The following TSHZ2 variants were observed in gnomAD, a reference collection of about 807,000 sequenced individuals.
The protein encoded by TSHZ2 is teashirt homolog 2.
In TSHZ2, 21 loss-of-function variants were observed where a neutral mutation model predicts 74.4. The observed-to-expected ratio is 0.28, with a 90% CI of 0.20 to 0.41. The LOEUF (loss-of-function observed/expected upper bound fraction) is 0.41, where lower values mean the gene tolerates loss of function less well. TSHZ2 is among the 10% of genes least tolerant of loss of function. The pLI is 1.00. For missense variants in TSHZ2, 1,244 were observed against 1,293.5 expected (o/e 0.96, Z 0.59); for synonymous variants, 540 against 515.3 (o/e 1.05, Z -0.65).
chr20:53,153,492 G>T (rs1239580274), intron 1 of TSHZ2, among the ~76,000 whole-genome samples: 1 of 152,122 alleles, frequency 6.6e-6, no homozygotes, highest in Admixed American at 6.5e-5. Flanking sequence ...TAAACAAAAA[G>T]GAAATTCCTT....
chr20:53,005,927 C>G (rs1314694504), intron 1 of TSHZ2, among the ~76,000 whole-genome samples: 1 of 152,184 alleles, frequency 6.6e-6, no homozygotes, highest in African/African-American at 2.4e-5. Flanking sequence ...AGAGAAGAAT[C>G]TTAGCTTTAA....
chr20:53,356,799 C>G (rs6068521), intron 2 of TSHZ2, among the ~76,000 whole-genome samples: 40,668 of 151,956 alleles, frequency 0.27, 5,944 homozygotes, highest in East Asian at 0.43. Context: ...ACTTACTATT[C>G]AGCTTCCTGT....
chr20:53,375,684 A>G (rs1443101262), intron 2 of TSHZ2, among the ~76,000 whole-genome samples: 1 of 152,204 alleles, frequency 6.6e-6, no homozygotes, highest in Non-Finnish European at 1.5e-5. Flanking sequence ...CTGTAGCATC[A>G]AGACCATCAG....
intron 2 of TSHZ2, among the ~76,000 whole-genome samples, chr20:53,306,017 G>A (rs1233696916): frequency 6.6e-6 from 1 of 151,592 alleles, no homozygotes; most frequent in African/African-American, 2.4e-5. Flanking sequence ...GTAACAGAGA[G>A]CCCAGCCCTC....
In TSHZ2 at chr20:53,256,298, C is replaced by T. The variant is rs768424538; in HGVS notation, c.2840C>T (p.Ser947Phe). The change falls in exon 2 of 3, where the codon TCT (serine) becomes TTT (phenylalanine). Residue 947 changes from serine to phenylalanine, a missense_variant. Physicochemically the swap from Ser to Phe is radical, Grantham distance 155. Around this residue, in one of 6 missense-constraint regions of TSHZ2, gnomAD observed 185 missense variants for 213.3 expected, o/e 0.87. Coordinates refer to ENST00000371497, the MANE Select transcript of TSHZ2 (RefSeq NM_173485.6). The surrounding 1 kb of genome is among the most constrained non-coding windows in gnomAD (Gnocchi z 4.3). ...TPSTYISHLESHLGFQMKDMT... is the reference protein window; with the variant it reads ...TPSTYISHLEFHLGFQMKDMT... ...TCTACCTACATCAGTCACTTAGAAT[C>T]TCACCTGGGTTTCCAAATGAAGGAC... 5.5e-5 allele frequency: 89 copies of T among 1,613,990 alleles called. No homozygotes were observed. The highest frequency in any genetic ancestry group is 6.7e-5 in the Non-Finnish European group (79 of 1,179,982).
At chr20:53,220,032 G>C (rs2123637737) in intron 1 of TSHZ2, among the ~76,000 whole-genome samples, 1 of 152,306 alleles carries the variant, frequency 6.6e-6, no homozygotes, top group Middle Eastern at 3.4e-3. Flanking sequence ...CTAAGGTGAA[G>C]CCTGACTGTG....
rs150685038 is a variant in TSHZ2 at position 53,323,822 on chromosome 20, C to T, written c.*8+67251C>T. Among the ~76,000 whole-genome samples the T allele has an allele frequency of 9.4e-4, 143 of 152,218 alleles. 2 individuals are homozygous for T. The East Asian group carries it at 0.024, about 25-fold the overall frequency. ...CAAACTCCTAACCTTAGGTGATCCA[C>T]CCGCCCCGGCCTCCCAAAGTGCTGG... On this transcript the variant is annotated intron_variant, in intron 2 of 2. Transcript: ENST00000371497.
intron 2 of TSHZ2, among the ~76,000 whole-genome samples, chr20:53,451,253 A>G (rs1027732668): frequency 1.3e-5 from 2 of 152,228 alleles, no homozygotes; most frequent in Non-Finnish European, 2.9e-5. Flanking sequence ...TCTCGATCTC[A>G]AAGTTGACTG....
chr20:53,254,301 C>T lies in TSHZ2; in HGVS notation c.843C>T (p.Gly281=), dbSNP rs754714953. Residue 281 remains glycine, a synonymous_variant, in exon 2 of 3, where the codon GGC becomes GGT. Coordinates refer to ENST00000371497, the MANE Select transcript of TSHZ2 (RefSeq NM_173485.6). ...AGGTTCTGAAATGTATGTTTTGTGG[C>T]GACTCCTTTGATTCCCTCCAAGATT... ...AQKVLKCMFC[G]DSFDSLQDLS... The T allele has an allele frequency of 3.9e-5, 63 of 1,613,944 alleles. No homozygotes were observed. The highest frequency in any genetic ancestry group is 2.6e-4 in the South Asian group (24 of 91,058).
At chr20:53,215,021 A>C (rs977750231) in intron 1 of TSHZ2, among the ~76,000 whole-genome samples, 1 of 152,192 alleles carries the variant, frequency 6.6e-6, no homozygotes, top group African/African-American at 2.4e-5. Flanking sequence ...ATGGACACTG[A>C]GATCGGGCAC....
At position 53,165,036 on chromosome 20, in the gene TSHZ2, A is replaced by C. The variant is rs181825108; in HGVS notation, c.41-88463A>C. On this transcript the variant is annotated intron_variant, in intron 1 of 2. Transcript: ENST00000371497. The stretch of plus-strand genomic sequence containing the variant: ...CTGCCTAGTGGTCTTGCAAACCATT[A>C]CACTTGTCACAGAGGCTGGCATGAA... 1.2e-3 allele frequency among the ~76,000 whole-genome samples: 178 copies of C among 152,250 alleles called. 1 individual carries two copies. Among genetic ancestry groups the C allele is most frequent in the African/African-American group, 3.9e-3 (164 of 41,540 alleles).
intron 2 of TSHZ2, among the ~76,000 whole-genome samples, chr20:53,357,846 A>C (rs564172984): frequency 6.6e-6 from 1 of 152,314 alleles, no homozygotes; most frequent in African/African-American, 2.4e-5. Context: ...GTGACCCCAC[A>C]AGGAGACCTT....
At chr20:53,237,738 A>G (rs1173676198) in intron 1 of TSHZ2, among the ~76,000 whole-genome samples, 1 of 152,084 alleles carries the variant, frequency 6.6e-6, no homozygotes, top group Non-Finnish European at 1.5e-5. Flanking sequence ...AAATGCTGCT[A>G]TTTACTCAAC....
chr20:53,413,370 A>G (rs1272050921), intron 2 of TSHZ2, among the ~76,000 whole-genome samples: 1 of 152,238 alleles, frequency 6.6e-6, no homozygotes, highest in Non-Finnish European at 1.5e-5. Context: ...TGCTGGACTT[A>G]GAAATCCTGC....
chr20:53,393,459 G>T (rs1982334034), intron 2 of TSHZ2, among the ~76,000 whole-genome samples: 1 of 152,208 alleles, frequency 6.6e-6, no homozygotes, highest in East Asian at 1.9e-4. Context: ...AACACATGTA[G>T]CATCTGACTT....
intron 1 of TSHZ2, chr20:53,179,084 A>G (rs1398654022): frequency 6.6e-6 from 1 of 152,082 alleles, no homozygotes; most frequent in Non-Finnish European, 1.5e-5. Flanking sequence ...TCACAGTCCA[A>G]ATCTTTCTCA....
chr20:53,426,537 C>A (rs1335085613), intron 2 of TSHZ2, among the ~76,000 whole-genome samples: 2 of 152,046 alleles, frequency 1.3e-5, no homozygotes, highest in Non-Finnish European at 2.9e-5. Flanking sequence ...CCCCTCTTAA[C>A]AGAGAAGGTC....
chr20:53,124,894 T>A, intron 1 of TSHZ2, among the ~76,000 whole-genome samples: 1 of 152,188 alleles, frequency 6.6e-6, no homozygotes, highest in East Asian at 1.9e-4. Flanking sequence ...GGCCAAATAG[T>A]AAATATTTTA....
chr20:52,983,991 T>C (rs953450789), intron 1 of TSHZ2, among the ~76,000 whole-genome samples: 1 of 152,254 alleles, frequency 6.6e-6, no homozygotes, highest in African/African-American at 2.4e-5. Flanking sequence ...GGCTACGGGC[T>C]GTTTCCTGGT....
Sources: allele counts gnomAD v4.1 joint callset (sites outside exome capture counted in the v4.1 genomes callset), GRCh38; gene constraint gnomAD v4.1.1; regional missense constraint gnomAD v4.1.1; non-coding constraint Gnocchi (gnomAD v3.1); transcripts MANE v1.5; gene names NCBI Gene and HGNC (gene_info 2026-07-23, HGNC 2026-07-21).